Variants in CTNND2 observed in about 807,000 individuals in gnomAD.
CTNND2 encodes the protein catenin delta-2.
Under a neutral mutation model 144.4 loss-of-function variants are expected in CTNND2, and 22 were observed. The observed-to-expected ratio is 0.15, with a 90% confidence interval of 0.11 to 0.22. CTNND2 has a LOEUF of 0.22. Ranked by LOEUF, CTNND2 falls within the 10% of genes least tolerant of loss-of-function variation. The pLI, the probability that CTNND2 is intolerant of heterozygous loss-of-function variation, is 1.00. For missense variants in CTNND2, 1,353 were observed against 1,618.8 expected (o/e 0.84, Z 2.82); for synonymous variants, 751 against 695.6 (o/e 1.08, Z -1.25).
chr5:11,675,665 T>C (rs1174375491), intron 2 of CTNND2, among the ~76,000 whole-genome samples: 4 of 152,100 alleles, frequency 2.6e-5, no homozygotes, highest in African/African-American at 7.2e-5. Flanking sequence ...GAAACACTTA[T>C]AAATTTACTA....
chr5:11,048,088 C>G (rs1745464040), intron 16 of CTNND2, among the ~76,000 whole-genome samples: 1 of 152,164 alleles, frequency 6.6e-6, no homozygotes, highest in Non-Finnish European at 1.5e-5. Context: ...GGTCCATTCA[C>G]TTCAGTACCC....
intron 9 of CTNND2, among the ~76,000 whole-genome samples, chr5:11,264,834 A>C (rs951822745): frequency 1.3e-5 from 2 of 152,096 alleles, no homozygotes; most frequent in Non-Finnish European, 2.9e-5. Flanking sequence ...AGGAGGCTGA[A>C]ATGGGAGGAT....
chr5:10,987,965 A>G (rs950321483), intron 20 of CTNND2, 146 bp downstream of exon 20: 2 of 996,552 alleles, frequency 2.0e-6, no homozygotes, highest in East Asian at 2.4e-5. Context: ...AATCATCATT[A>G]TCAAGCTCTC....
chr5:11,304,378 C>T (rs114619997), intron 9 of CTNND2, among the ~76,000 whole-genome samples: 1,557 of 151,972 alleles, frequency 0.01, 17 homozygotes, highest in Non-Finnish European at 0.017. Context: ...ATGTATTACA[C>T]ACAGGCACAC....
At chr5:11,129,176 T>TAAATATATA (rs376665965) in intron 12 of CTNND2, among the ~76,000 whole-genome samples, 1 of 24,614 alleles carries the variant, frequency 4.1e-5, no homozygotes, top group African/African-American at 1.1e-4. Context: ...ATATTATATA[T>TAAATATATA]TTTATATATA....
At chr5:11,351,906 T>C (rs192738852) in intron 8 of CTNND2, among the ~76,000 whole-genome samples, 123 of 152,250 alleles carry the variant, frequency 8.1e-4, no homozygotes, top group African/African-American at 2.7e-3. Context: ...TGACAATGGG[T>C]CCAAGAAAAT....
At chr5:11,043,012 A>C (rs1287753481) in intron 16 of CTNND2, among the ~76,000 whole-genome samples, 1 of 152,124 alleles carries the variant, frequency 6.6e-6, no homozygotes, top group Non-Finnish European at 1.5e-5. Context: ...AATACTTCCA[A>C]TCACTTGTCT....
chr5:11,407,636 A>G (rs900222542), intron 5 of CTNND2, among the ~76,000 whole-genome samples: 1 of 152,184 alleles, frequency 6.6e-6, no homozygotes, highest in African/African-American at 2.4e-5. Flanking sequence ...CTGAGTTTAG[A>G]CAGTATTTAG....
chr5:11,225,359 G>T (rs1393536499), intron 10 of CTNND2, among the ~76,000 whole-genome samples: 1 of 152,098 alleles, frequency 6.6e-6, no homozygotes, highest in Non-Finnish European at 1.5e-5. Context: ...ATTGTTTCCT[G>T]AATTATAATT....
chr5:11,204,479 C>T (rs949204320), intron 10 of CTNND2, among the ~76,000 whole-genome samples: 50 of 152,090 alleles, frequency 3.3e-4, no homozygotes, highest in African/African-American at 1.1e-3. Context: ...ATATCTAAGC[C>T]TTTCAAATCA....
intron 1 of CTNND2, among the ~76,000 whole-genome samples, chr5:11,860,530 A>G (rs988609367): frequency 1.3e-5 from 2 of 152,236 alleles, no homozygotes; most frequent in African/African-American, 4.8e-5. Flanking sequence ...TATAATGCAC[A>G]TAAGAATTGT....
intron 14 of CTNND2, among the ~76,000 whole-genome samples, chr5:11,108,780 C>G (rs1036632849): frequency 6.6e-6 from 1 of 152,150 alleles, no homozygotes; most frequent in Non-Finnish European, 1.5e-5. Flanking sequence ...CTGACCTGAC[C>G]AGCAGCTGGT....
chr5:11,589,885 A>C (rs191330453), intron 2 of CTNND2, among the ~76,000 whole-genome samples: 2 of 152,204 alleles, frequency 1.3e-5, no homozygotes, highest in Admixed American at 6.5e-5. Flanking sequence ...TATCTGCAGA[A>C]GTACTTTCTT....
At chr5:11,643,239 TTTA>T (rs1243376644) in intron 2 of CTNND2, among the ~76,000 whole-genome samples, 2 of 152,124 alleles carry the variant, frequency 1.3e-5, no homozygotes, top group South Asian at 2.1e-4. Flanking sequence ...TTTTTTTAAT[TTTA>T]TTATTATTAT....
At chr5:11,775,438 A>T (rs749753490) in intron 1 of CTNND2, among the ~76,000 whole-genome samples, 1 of 152,224 alleles carries the variant, frequency 6.6e-6, no homozygotes, top group Non-Finnish European at 1.5e-5. Flanking sequence ...GAAGCACAGG[A>T]AGGTTCCGTA....
chr5:11,263,628 CAGT>C (rs776079171), intron 9 of CTNND2, among the ~76,000 whole-genome samples: 10 of 152,058 alleles, frequency 6.6e-5, no homozygotes, highest in Non-Finnish European at 1.5e-4. Context: ...ATAATGTTAT[CAGT>C]GGTGGCACCA....
rs1236992746 is a variant in CTNND2, at chr5:11,191,146, G to T, written c.1975+8302C>A. Among the ~76,000 whole-genome samples, 3 of 152,220 alleles carry T rather than the reference G, an allele frequency of 2.0e-5. No homozygotes were observed. In the East Asian group the frequency reaches 5.8e-4, roughly 29 times the overall value. Reference sequence around the variant, plus strand: ...GAGACAGTGGCCTGCAGTGCACACAGCAGAGGTCTGGGCTTGAAGGCGCAG... The same window carrying T: ...GAGACAGTGGCCTGCAGTGCACACATCAGAGGTCTGGGCTTGAAGGCGCAG... On this transcript the variant is annotated intron_variant, in intron 11 of 21. Coordinates refer to ENST00000304623, the MANE Select transcript of CTNND2 (RefSeq NM_001332.4).
In CTNND2 at chr5:11,733,245, G is replaced by A. The variant is rs1186246122; in HGVS notation, c.38-973C>T. Among the ~76,000 whole-genome samples, 3 of 152,124 alleles carry A rather than the reference G, an allele frequency of 2.0e-5. No individual in the cohort carries two copies. The South Asian group carries it at 6.2e-4, about 32-fold the overall frequency. On this transcript the variant is annotated intron_variant, in intron 1 of 21. Transcript: ENST00000304623. ...AGGCCTGGACTTGCAATTGGTATCT[G>A]GGGGGATGAGACAGTTTTGGGGACT... is the stretch of plus-strand genomic sequence containing the variant.
chr5:11,029,882 A>T (rs1743259098), intron 16 of CTNND2, among the ~76,000 whole-genome samples: 1 of 152,154 alleles, frequency 6.6e-6, no homozygotes, highest in African/African-American at 2.4e-5. Flanking sequence ...CCTTTGAATT[A>T]CTGTTTAGTG....
Sources: gnomAD v4.1 joint callset for allele counts (sites outside exome capture counted in the v4.1 genomes callset) on GRCh38, gnomAD v4.1.1 for gene constraint, MANE v1.5 for transcripts, NCBI Gene and HGNC (gene_info 2026-07-23, HGNC 2026-07-21) for gene names.